The following PDE4D variants were observed in gnomAD, a reference collection of about 807,000 sequenced individuals.
PDE4D encodes the protein phosphodiesterase 4D.
PDE4D carries 24 observed loss-of-function variants against 87.4 expected under a neutral mutation model. That is an observed-to-expected ratio of 0.27 (90% CI 0.20 to 0.39). The LOEUF (loss-of-function observed/expected upper bound fraction) is 0.39, where lower values mean the gene tolerates loss of function less well. Ranked by LOEUF, PDE4D falls within the 10% of genes least tolerant of loss-of-function variation. The pLI, the probability that PDE4D is intolerant of heterozygous loss-of-function variation, is 1.00. For synonymous variants in PDE4D, 384 were observed against 383.2 expected (o/e 1.00, Z -0.02); for missense variants, 714 against 1,041.0 (o/e 0.69, Z 4.32).
At chr5:59,244,385 G>A (rs535378608) in intron 1 of PDE4D, among the ~76,000 whole-genome samples, 17 of 151,340 alleles carry the variant, frequency 1.1e-4, no homozygotes, top group African/African-American at 3.9e-4. Context: ...GCGATAGGGC[G>A]ACTTCATCTC....
At chr5:60,024,063 G>A (rs774900960) in intron 2 of PDE4D, among the ~76,000 whole-genome samples, 2 of 152,016 alleles carry the variant, frequency 1.3e-5, no homozygotes, top group African/African-American at 4.8e-5. Context: ...GTAATATAAT[G>A]AGAAAAGACT....
chr5:60,005,425 G>T (rs1168789015), intron 2 of PDE4D, among the ~76,000 whole-genome samples: 1 of 151,830 alleles, frequency 6.6e-6, no homozygotes, highest in Non-Finnish European at 1.5e-5. Context: ...GTTTAAGTTT[G>T]CTAAGAGAGT....
At chr5:59,564,459 C>T (rs927220794) in intron 1 of PDE4D, among the ~76,000 whole-genome samples, 12 of 152,128 alleles carry the variant, frequency 7.9e-5, no homozygotes, top group South Asian at 4.1e-4. Flanking sequence ...TGTGGTCCTT[C>T]CAGTCAATAA....
intron 1 of PDE4D, among the ~76,000 whole-genome samples, chr5:60,289,272 C>T (rs936540948): frequency 6.6e-6 from 1 of 152,086 alleles, no homozygotes; most frequent in African/African-American, 2.4e-5. Context: ...TTAAATATCA[C>T]CCCCCTCAAA....
At chr5:59,315,311 C>T (rs546556527) in intron 1 of PDE4D, among the ~76,000 whole-genome samples, 2 of 152,208 alleles carry the variant, frequency 1.3e-5, no homozygotes, top group East Asian at 3.9e-4. Flanking sequence ...CCTGGCTGGA[C>T]ACCAATTCTA....
At position 59,205,622 on chromosome 5, in the gene PDE4D, C is replaced by T. The variant is rs143170934; in HGVS notation, c.647+10155G>A. On this transcript the variant is annotated intron_variant, in intron 2 of 14. Coordinates refer to ENST00000340635, the MANE Select transcript of PDE4D (RefSeq NM_001104631.2). ...GCAACAGAATATTCTGCAAGACTCTCGGTGCTGTCTAATATGCTATCCACT... is the reference window on the plus strand; with the variant it reads ...GCAACAGAATATTCTGCAAGACTCTTGGTGCTGTCTAATATGCTATCCACT... Among the ~76,000 whole-genome samples, 8 of 148,334 alleles carry T rather than the reference C, an allele frequency of 5.4e-5. No homozygotes were observed. In the South Asian group the frequency reaches 6.5e-4, roughly 12 times the overall value.
chr5:59,914,571 CGTGTGT>C (rs35285881), intron 3 of PDE4D, among the ~76,000 whole-genome samples: 79 of 130,710 alleles, frequency 6.0e-4, no homozygotes, highest in African/African-American at 1.6e-3. Context: ...TGTGCATGTG[CGTGTGT>C]GTGTGTGTGT....
Position 58,975,340 on chromosome 5 carries a change from A to G in PDE4D, c.2014-260T>C, listed in dbSNP as rs1057076296. 2.6e-5 allele frequency among the ~76,000 whole-genome samples: 4 copies of G among 152,224 alleles called. No homozygotes were observed. Among genetic ancestry groups the G allele is most frequent in the African/African-American group, 9.6e-5 (4 of 41,468 alleles). Reference sequence around the variant, plus strand: ...AAAATTTTCCAGTTGTTGACATGGTAGGGCTTATTTTACAATCACCAATTT... The same window carrying G: ...AAAATTTTCCAGTTGTTGACATGGTGGGGCTTATTTTACAATCACCAATTT... On this transcript the variant is annotated intron_variant, in intron 14 of 14. Coordinates refer to ENST00000340635, the MANE Select transcript of PDE4D (RefSeq NM_001104631.2). This position sits in a 1 kb window ranked among gnomAD's most constrained non-coding sequence, Gnocchi z 4.2.
intron 1 of PDE4D, among the ~76,000 whole-genome samples, chr5:60,438,111 G>A (rs1744906858): frequency 6.6e-6 from 1 of 152,120 alleles, no homozygotes; most frequent in Non-Finnish European, 1.5e-5. Flanking sequence ...GCATTCGTCT[G>A]TTCTGACATG....
chr5:59,974,593 T>C (rs1761114766), intron 3 of PDE4D, among the ~76,000 whole-genome samples: 1 of 152,132 alleles, frequency 6.6e-6, no homozygotes, highest in Non-Finnish European at 1.5e-5. Flanking sequence ...GGACAAACGT[T>C]ATGGTCTTTC....
intron 1 of PDE4D, among the ~76,000 whole-genome samples, chr5:60,442,865 T>A (rs1459543151): frequency 1.3e-5 from 2 of 152,118 alleles, no homozygotes; most frequent in Admixed American, 1.3e-4. Flanking sequence ...TATACGGAAT[T>A]TCTATTAATG....
chr5:60,458,240 A>T (rs1163182519), intron 1 of PDE4D, among the ~76,000 whole-genome samples: 1 of 152,092 alleles, frequency 6.6e-6, no homozygotes, highest in East Asian at 1.9e-4. Context: ...CAAAAAAATT[A>T]GCTGGGCATG....
chr5:59,280,419 T>A (rs1050917405), intron 1 of PDE4D, among the ~76,000 whole-genome samples: 1 of 152,118 alleles, frequency 6.6e-6, no homozygotes, highest in African/African-American at 2.4e-5. Context: ...ATGAATTTTG[T>A]AATTGACTTT....
intron 1 of PDE4D, among the ~76,000 whole-genome samples, chr5:59,661,781 T>G (rs1157345324): frequency 1.3e-5 from 2 of 152,208 alleles, no homozygotes; most frequent in African/African-American, 4.8e-5. Context: ...CTAAGTGTAG[T>G]TCATTTCACA....
intron 1 of PDE4D, among the ~76,000 whole-genome samples, chr5:60,274,138 G>A (rs1751113917): frequency 6.6e-6 from 1 of 151,220 alleles, no homozygotes; most frequent in Non-Finnish European, 1.5e-5. Context: ...GGTAAACCTT[G>A]AAAGATGGTG....
intron 1 of PDE4D, among the ~76,000 whole-genome samples, chr5:59,865,344 T>C (rs1010288318): frequency 4.6e-5 from 7 of 152,198 alleles, no homozygotes; most frequent in African/African-American, 1.7e-4. Flanking sequence ...GTAGTGTAAA[T>C]ATTCACAATA....
At chr5:59,860,334 G>A (rs1475288328) in intron 1 of PDE4D, among the ~76,000 whole-genome samples, 1 of 152,136 alleles carries the variant, frequency 6.6e-6, no homozygotes, top group African/African-American at 2.4e-5. Flanking sequence ...TGATGCCATT[G>A]GATGTAATTA....
chr5:60,212,534 T>G (rs1743352408), intron 1 of PDE4D, among the ~76,000 whole-genome samples: 2 of 152,136 alleles, frequency 1.3e-5, no homozygotes, highest in African/African-American at 4.8e-5. Flanking sequence ...GGATCAGAAG[T>G]TGTAAGCAAT....
intron 1 of PDE4D, among the ~76,000 whole-genome samples, chr5:59,771,441 G>GAAAGA (rs1491086148): frequency 4.8e-5 from 4 of 84,034 alleles, no homozygotes; most frequent in East Asian, 2.8e-4. Context: ...GAAAAAGAAA[G>GAAAGA]AAAGAAAGAA....
Sources: allele counts gnomAD v4.1 joint callset (sites outside exome capture counted in the v4.1 genomes callset), GRCh38; gene constraint gnomAD v4.1.1; non-coding constraint Gnocchi (gnomAD v3.1); transcripts MANE v1.5; gene names NCBI Gene and HGNC (gene_info 2026-07-23, HGNC 2026-07-21).